TTC17: variants seen among roughly 807,000 people sequenced by gnomAD.
The protein encoded by TTC17 is tetratricopeptide repeat domain 17.
Under a neutral mutation model 143.8 loss-of-function variants are expected in TTC17, and 58 were observed. That is an observed-to-expected ratio of 0.40 (90% CI 0.33 to 0.50). The LOEUF is 0.50. Among genes scored for constraint, TTC17 ranks in the 20% least tolerant of loss-of-function variants. TTC17 has a pLI of 0.49. For missense variants in TTC17, 1,273 were observed against 1,392.5 expected (o/e 0.91, Z 1.37); for synonymous variants, 501 against 497.8 (o/e 1.01, Z -0.09).
intron 21 of TTC17, chr11:43,466,456 T>TG (rs1393227266): frequency 5.7e-6 from 1 of 174,852 alleles, no homozygotes; most frequent in Non-Finnish European, 1.2e-5. Flanking sequence ...CACATCTCCT[T>TG]TCAGCTATTT....
At chr11:43,441,489 ATTTCT>A (rs1565168182) in intron 16 of TTC17, among the ~76,000 whole-genome samples, 3 of 151,952 alleles carry the variant, frequency 2.0e-5, no homozygotes, top group Non-Finnish European at 2.9e-5. Context: ...ATTATATTTC[ATTTCT>A]TAAGGTTAGA....
chr11:43,364,225 T>A (rs140334785), intron 1 of TTC17, among the ~76,000 whole-genome samples: 2 of 151,966 alleles, frequency 1.3e-5, no homozygotes, highest in South Asian at 4.2e-4. Context: ...CCTGGCTAAT[T>A]TTTGAATTTT....
intron 21 of TTC17, among the ~76,000 whole-genome samples, chr11:43,456,364 T>G (rs761201954): frequency 6.6e-6 from 1 of 152,118 alleles, no homozygotes; most frequent in Non-Finnish European, 1.5e-5. Flanking sequence ...GACTGCCTAC[T>G]GTATCTAATA....
intron 21 of TTC17, 46 bp from the exon 22 acceptor site, chr11:43,490,193 G>A: frequency 1.3e-6 from 2 of 1,574,846 alleles, no homozygotes; most frequent in Non-Finnish European, 1.7e-6. Flanking sequence ...TAATAAATGA[G>A]TATGTTCTTG....
chr11:43,384,745 C>T (rs969741970), intron 2 of TTC17, among the ~76,000 whole-genome samples: 1 of 152,196 alleles, frequency 6.6e-6, no homozygotes, highest in Non-Finnish European at 1.5e-5. Flanking sequence ...TCAAACTCTA[C>T]AATCAGATAC....
rs556268161 is a variant in TTC17 at position 43,375,748 on chromosome 11, G to C, written c.160-3485G>C. Among the ~76,000 whole-genome samples the C allele has an allele frequency of 2.0e-4, 30 of 152,156 alleles. 1 individual carries two copies. The South Asian group carries it at 5.6e-3, about 28-fold the overall frequency. On this transcript the variant is annotated intron_variant, in intron 1 of 23. Transcript: ENST00000039989. The stretch of plus-strand genomic sequence containing the variant: ...GAAATGTTCAGTTTTCTGCCATAAA[G>C]AATAATTAAAAAGTGATTGACTCAA...
intron 1 of TTC17, among the ~76,000 whole-genome samples, chr11:43,364,015 G>A (rs951158036): frequency 6.6e-6 from 1 of 150,654 alleles, no homozygotes; most frequent in South Asian, 2.1e-4. Context: ...TTTGTCCCCC[G>A]GTCAGGCCGG....
chr11:43,406,460 AACT>A (rs1226412999), intron 13 of TTC17, among the ~76,000 whole-genome samples: 1 of 152,108 alleles, frequency 6.6e-6, no homozygotes, highest in Admixed American at 6.6e-5. Flanking sequence ...AATTATATAT[AACT>A]ACGAGTGTTT....
chr11:43,469,641 G>A (rs1382223637), intron 21 of TTC17, among the ~76,000 whole-genome samples: 1 of 152,166 alleles, frequency 6.6e-6, no homozygotes, highest in Non-Finnish European at 1.5e-5. Context: ...TTCCAGAATA[G>A]GGGGAAATAA....
intron 21 of TTC17, among the ~76,000 whole-genome samples, chr11:43,480,309 A>G (rs1948262871): frequency 6.6e-6 from 1 of 152,208 alleles, no homozygotes; most frequent in Non-Finnish European, 1.5e-5. Flanking sequence ...TGGAGACAGA[A>G]AGAAAGGACA....
At chr11:43,434,864 C>G (rs1947250406) in intron 16 of TTC17, among the ~76,000 whole-genome samples, 2 of 152,198 alleles carry the variant, frequency 1.3e-5, no homozygotes, top group African/African-American at 2.4e-5. Context: ...GAAAATGACT[C>G]TCTAAGCATG....
intron 2 of TTC17, among the ~76,000 whole-genome samples, chr11:43,380,444 C>T (rs73549421): frequency 0.098 from 14,883 of 152,094 alleles, 2,475 homozygotes; most frequent in African/African-American, 0.34. Flanking sequence ...TTAGTAGAGA[C>T]GGCTTTTGCC....
rs376872599 is a variant in TTC17, at chr11:43,469,036, GA to G, written c.3030+17772del. Among the ~76,000 whole-genome samples the G allele has an allele frequency of 3.7e-4, 57 of 152,246 alleles. No homozygotes were observed. In the East Asian group the frequency reaches 7.9e-3, roughly 21 times the overall value. On this transcript the variant is annotated intron_variant, in intron 21 of 23. Transcript: ENST00000039989. ...ACTACAATTTAGTAATTTTTAAAAA[GA>G]CAACGCAATTTTTTAAAGGTGAGTT...
At chr11:43,474,700 T>G (rs1430994340) in intron 21 of TTC17, among the ~76,000 whole-genome samples, 1 of 152,204 alleles carries the variant, frequency 6.6e-6, no homozygotes, top group Non-Finnish European at 1.5e-5. Context: ...CAGTTTAAAA[T>G]CCACATATAA....
chr11:43,477,221 T>G (rs1564981323), intron 21 of TTC17, among the ~76,000 whole-genome samples: 1 of 152,206 alleles, frequency 6.6e-6, no homozygotes, highest in Non-Finnish European at 1.5e-5. Context: ...CTATCAGCAT[T>G]TTTGGCAAAG....
intron 11 of TTC17, among the ~76,000 whole-genome samples, chr11:43,404,712 G>T (rs1415504389): frequency 2.6e-5 from 4 of 151,660 alleles, no homozygotes; most frequent in African/African-American, 9.7e-5. Flanking sequence ...TTTAATCAAG[G>T]GTTTAACAGA....
At chr11:43,474,422 G>A (rs1014644549) in intron 21 of TTC17, among the ~76,000 whole-genome samples, 5 of 152,172 alleles carry the variant, frequency 3.3e-5, no homozygotes, top group Admixed American at 2.6e-4. Flanking sequence ...GAAAGAAAAT[G>A]GGGTGGAGAG....
chr11:43,490,807 T>G (rs1948460538), intron 22 of TTC17: 1 of 144,304 alleles, frequency 6.9e-6, no homozygotes, highest in Admixed American at 7.4e-5. Context: ...CATTTATTCA[T>G]GTACATTGGC....
Position 43,448,193 on chromosome 11 carries a change from C to G in TTC17, c.2786+71C>G, listed in dbSNP as rs528467612. 5.1e-6 allele frequency: 8 copies of G among 1,576,506 alleles called. No individual in the cohort carries two copies. In the East Asian group the frequency reaches 1.6e-4, roughly 31 times the overall value. The stretch of plus-strand genomic sequence containing the variant: ...TTGAACCCAGCTGACTTTAAGGATC[C>G]CCTCTTAGCAGCTAGTAGAAGAGTT... On this transcript the variant is annotated intron_variant, in intron 19 of 23. Transcript: ENST00000039989.
Sources: gnomAD v4.1 joint callset for allele counts (sites outside exome capture counted in the v4.1 genomes callset) on GRCh38, gnomAD v4.1.1 for gene constraint, MANE v1.5 for transcripts, NCBI Gene and HGNC (gene_info 2026-07-23, HGNC 2026-07-21) for gene names.